RALGPS1: variants seen among roughly 807,000 people sequenced by gnomAD.
RALGPS1 encodes the protein Ral GEF with PH domain and SH3 binding motif 1.
RALGPS1 carries 19 observed loss-of-function variants against 78.8 expected under a neutral mutation model. That is an observed-to-expected ratio of 0.24 (90% confidence interval 0.17 to 0.35). The LOEUF (loss-of-function observed/expected upper bound fraction) is 0.35. RALGPS1 is among the 10% of genes least tolerant of loss of function. The pLI is 1.00. For missense variants in RALGPS1, 454 were observed against 688.3 expected (o/e 0.66, Z 3.81); for synonymous variants, 228 against 256.3 (o/e 0.89, Z 1.06).
intron 5 of RALGPS1, among the ~76,000 whole-genome samples, chr9:127,044,254 CT>C (rs984315322): frequency 1.2e-3 from 170 of 147,256 alleles, no homozygotes; most frequent in African/African-American, 2.3e-3. Context: ...ATGGATGAAT[CT>C]TTTTTTTTTT....
At chr9:127,216,967 G>T in intron 18 of RALGPS1, 2 of 1,546,206 alleles carry the variant, frequency 1.3e-6, no homozygotes, top group Non-Finnish European at 1.7e-6. Flanking sequence ...CACCTGGAGG[G>T]CGGTGCGGGG....
intron 4 of RALGPS1, among the ~76,000 whole-genome samples, chr9:127,034,206 G>C (rs1050461635): frequency 6.6e-6 from 1 of 152,162 alleles, no homozygotes. Context: ...GGGAAACATG[G>C]CCAGAGTTGT....
At chr9:127,177,593 C>T (rs2059954188) in intron 11 of RALGPS1, among the ~76,000 whole-genome samples, 1 of 152,072 alleles carries the variant, frequency 6.6e-6, no homozygotes, top group Non-Finnish European at 1.5e-5. Context: ...GCCCTAGCCC[C>T]CAGCCCAGGT....
chr9:127,156,542 A>T (rs1372521834), intron 8 of RALGPS1, among the ~76,000 whole-genome samples: 2 of 152,144 alleles, frequency 1.3e-5, no homozygotes, highest in African/African-American at 2.4e-5. Context: ...GGAATCTTTC[A>T]CATTTTTATT....
intron 8 of RALGPS1, among the ~76,000 whole-genome samples, chr9:127,125,715 A>G (rs1468455948): frequency 6.6e-6 from 1 of 152,118 alleles, no homozygotes; most frequent in Non-Finnish European, 1.5e-5. Flanking sequence ...CCGTTCCCAC[A>G]TTTCCACTTG....
At chr9:127,195,238 T>C in intron 12 of RALGPS1, 21 bp downstream of exon 12, 1 of 1,604,958 alleles carries the variant, frequency 6.2e-7, no homozygotes. Context: ...GAGCAAGCCC[T>C]CCCGCCGGGC....
At chr9:127,195,367 G>A (rs180909470) in intron 12 of RALGPS1, 150 bp downstream of exon 12, 34 of 1,110,006 alleles carry the variant, frequency 3.1e-5, no homozygotes, top group Admixed American at 1.6e-4. Flanking sequence ...TGGCCAGTGC[G>A]CTTTCCTGAG....
chr9:126,931,148 C>T (rs939995579), intron 1 of RALGPS1, among the ~76,000 whole-genome samples: 5 of 152,194 alleles, frequency 3.3e-5, no homozygotes, highest in African/African-American at 1.2e-4. Flanking sequence ...ATATGCATTC[C>T]AGCCTTTGAG....
At chr9:127,132,633 G>A (rs1201432067) in intron 8 of RALGPS1, among the ~76,000 whole-genome samples, 2 of 152,188 alleles carry the variant, frequency 1.3e-5, no homozygotes, top group Non-Finnish European at 2.9e-5. Flanking sequence ...TGCAGCACCG[G>A]GTACTAGAGT....
At chr9:126,974,645 T>A (rs1311516412) in intron 3 of RALGPS1, among the ~76,000 whole-genome samples, 1 of 152,140 alleles carries the variant, frequency 6.6e-6, no homozygotes, top group African/African-American at 2.4e-5. Context: ...AGGAAGCCAT[T>A]GCCAGGTGAC....
chr9:126,984,376 T>G (rs1281187261), intron 4 of RALGPS1, among the ~76,000 whole-genome samples: 1 of 152,246 alleles, frequency 6.6e-6, no homozygotes, highest in Non-Finnish European at 1.5e-5. Flanking sequence ...TAGCTGAGAT[T>G]ACAGGCATGA....
At chr9:127,123,536 G>A (rs909884232) in intron 8 of RALGPS1, among the ~76,000 whole-genome samples, 2 of 152,190 alleles carry the variant, frequency 1.3e-5, no homozygotes, top group Non-Finnish European at 2.9e-5. Context: ...AGGGTCTCCT[G>A]CTCCCAGAAC....
chr9:126,983,652 T>TA (rs2041531590), intron 4 of RALGPS1, among the ~76,000 whole-genome samples: 1 of 152,228 alleles, frequency 6.6e-6, no homozygotes, highest in Admixed American at 6.5e-5. Flanking sequence ...GGTTGGTTGT[T>TA]ACGTTTCTCA....
intron 14 of RALGPS1, among the ~76,000 whole-genome samples, chr9:127,210,081 G>C (rs2062157897): frequency 6.6e-6 from 1 of 152,214 alleles, no homozygotes; most frequent in Non-Finnish European, 1.5e-5. Flanking sequence ...ACGTTGCCCT[G>C]GAAAGGCTCA....
intron 4 of RALGPS1, 111 bp from the exon 5 acceptor site, chr9:127,034,320 A>C: frequency 1.1e-6 from 1 of 920,978 alleles, no homozygotes. Flanking sequence ...GGAACAGCCA[A>C]GGTGTCAGCC....
chr9:127,100,773 C>A (rs1039433887), intron 8 of RALGPS1, among the ~76,000 whole-genome samples: 1 of 152,220 alleles, frequency 6.6e-6, no homozygotes, highest in South Asian at 2.1e-4. Context: ...AGGTAGCAGT[C>A]CCATAGTTGG....
At chr9:127,077,735 A>G (rs2050801330) in intron 8 of RALGPS1, among the ~76,000 whole-genome samples, 1 of 152,090 alleles carries the variant, frequency 6.6e-6, no homozygotes, top group South Asian at 2.1e-4. Context: ...AGGTTCCCCA[A>G]GGAGCACTCA....
chr9:126,924,381 A>T (rs954143474), intron 1 of RALGPS1, among the ~76,000 whole-genome samples: 1 of 152,232 alleles, frequency 6.6e-6, no homozygotes, highest in Admixed American at 6.5e-5. Context: ...GTCTGTTAAC[A>T]TGATAATCAT....
chr9:127,136,894 C>A (rs2057435495), intron 8 of RALGPS1, among the ~76,000 whole-genome samples: 1 of 152,200 alleles, frequency 6.6e-6, no homozygotes, highest in Non-Finnish European at 1.5e-5. Flanking sequence ...ATTCTCATCA[C>A]CCCAGGCTCT....
Sources: allele counts gnomAD v4.1 joint callset (sites outside exome capture counted in the v4.1 genomes callset), GRCh38; gene constraint gnomAD v4.1.1; transcripts MANE v1.5; gene names NCBI Gene and HGNC (gene_info 2026-07-23, HGNC 2026-07-21).